The following CPQ variants were observed in gnomAD, a reference collection of about 807,000 sequenced individuals.
CPQ encodes the protein Ser-Met dipeptidase.
In CPQ, 37 loss-of-function variants were observed where a neutral mutation model predicts 45.7. The ratio of observed to expected loss-of-function variants is 0.81; its 90% CI spans 0.62 to 1.07. The LOEUF (loss-of-function observed/expected upper bound fraction) is 1.07, where lower values mean the gene tolerates loss of function less well. Among genes scored for constraint, CPQ ranks in the 50% least tolerant of loss-of-function variants. CPQ has a pLI of 0.00. For synonymous variants in CPQ, 186 were observed against 205.8 expected (o/e 0.90, Z 0.82); for missense variants, 537 against 572.9 (o/e 0.94, Z 0.64).
chr8:96,790,508 T>C (rs1810832419), intron 2 of CPQ, among the ~76,000 whole-genome samples: 1 of 152,220 alleles, frequency 6.6e-6, no homozygotes, highest in African/African-American at 2.4e-5. Context: ...AGAACAGAGG[T>C]TCTACCACAA....
At chr8:96,728,300 C>A (rs1463698858) in intron 1 of CPQ, among the ~76,000 whole-genome samples, 2 of 152,052 alleles carry the variant, frequency 1.3e-5, no homozygotes, top group Non-Finnish European at 2.9e-5. Flanking sequence ...AAAAGTATGA[C>A]AAGAGGCCAG....
At chr8:97,136,184 A>G (rs565833792) in intron 7 of CPQ, among the ~76,000 whole-genome samples, 44 of 152,312 alleles carry the variant, frequency 2.9e-4, no homozygotes, top group African/African-American at 9.9e-4. Flanking sequence ...GTTTACAAAA[A>G]AAAAAGATTC....
rs543449040 is a variant in CPQ, at chr8:97,040,907, T to G, written c.1053+11413T>G. On this transcript the variant is annotated intron_variant, in intron 6 of 7. Coordinates refer to ENST00000220763, the MANE Select transcript of CPQ (RefSeq NM_016134.4). ...TGTAGCCTTGTAGTATAGTTTGAAGTCAGGTAGTGTGATGCCTCCAGCTTT... is the reference window on the plus strand; with the variant it reads ...TGTAGCCTTGTAGTATAGTTTGAAGGCAGGTAGTGTGATGCCTCCAGCTTT... Among the ~76,000 whole-genome samples the G allele has an allele frequency of 2.0e-5, 3 of 152,310 alleles. No homozygotes were observed. In the South Asian group the frequency reaches 6.2e-4, roughly 32 times the overall value.
At chr8:96,731,272 C>T (rs908301192) in intron 1 of CPQ, among the ~76,000 whole-genome samples, 6 of 152,064 alleles carry the variant, frequency 3.9e-5, no homozygotes, top group African/African-American at 1.2e-4. Context: ...ATACCTATCT[C>T]ACAGGTTGTA....
chr8:97,040,186 G>T (rs1387855090), intron 6 of CPQ, among the ~76,000 whole-genome samples: 1 of 151,642 alleles, frequency 6.6e-6, no homozygotes, highest in Non-Finnish European at 1.5e-5. Flanking sequence ...TAACTGGTGT[G>T]AGATGGTATC....
chr8:96,781,273 A>C (rs908317192), intron 1 of CPQ, among the ~76,000 whole-genome samples: 11 of 152,220 alleles, frequency 7.2e-5, no homozygotes, highest in African/African-American at 2.4e-4. Context: ...GTTTATAACT[A>C]ACAGAAATTA....
chr8:97,097,387 T>C (rs1272221915), intron 7 of CPQ, among the ~76,000 whole-genome samples: 1 of 152,182 alleles, frequency 6.6e-6, no homozygotes, highest in African/African-American at 2.4e-5. Flanking sequence ...TTTTGATGCC[T>C]TACATATGGA....
At chr8:97,127,550 G>A (rs1039397827) in intron 7 of CPQ, among the ~76,000 whole-genome samples, 2 of 151,990 alleles carry the variant, frequency 1.3e-5, no homozygotes, top group Admixed American at 6.6e-5. Flanking sequence ...TTAGCCAGGC[G>A]TGGTGGCACG....
intron 4 of CPQ, among the ~76,000 whole-genome samples, chr8:96,889,611 C>T (rs549898698): frequency 6.6e-6 from 1 of 152,236 alleles, no homozygotes; most frequent in Non-Finnish European, 1.5e-5. Flanking sequence ...ACAAGGAAGC[C>T]AGCAGTGGAT....
chr8:97,121,985 G>C (rs1281274138), intron 7 of CPQ, among the ~76,000 whole-genome samples: 2 of 152,000 alleles, frequency 1.3e-5, no homozygotes, highest in East Asian at 1.9e-4. Context: ...AGATAAAAAG[G>C]CTCTTGTAAA....
intron 3 of CPQ, among the ~76,000 whole-genome samples, chr8:96,850,584 TTTTA>T (rs199730159): frequency 0.057 from 7,831 of 136,554 alleles, 228 homozygotes; most frequent in Non-Finnish European, 0.064. Flanking sequence ...TTTTATTTTA[TTTTA>T]TTTATTTATT....
chr8:96,911,405 G>A (rs1364123250), intron 4 of CPQ, among the ~76,000 whole-genome samples: 1 of 152,166 alleles, frequency 6.6e-6, no homozygotes, highest in Non-Finnish European at 1.5e-5. Context: ...ACAGTGGCAG[G>A]TGTGAAAAGA....
At position 96,785,297 on chromosome 8, in the gene CPQ, G is replaced by A. The variant is rs750892175; in HGVS notation, c.400G>A (p.Gly134Ser). The change falls in exon 2 of 8, where the codon GGT (glycine) becomes AGT (serine). Residue 134 changes from glycine (G) to serine (S), a missense_variant. Coordinates refer to ENST00000220763, the MANE Select transcript of CPQ (RefSeq NM_016134.4). The part of the protein sequence containing the change: ...EPRIHKIAIL[G>S]LGSSIGTPPE... Reference sequence around the variant, plus strand: ...AAGAATTCATAAGATAGCCATCCTGGGTCTTGGCAGCAGCATTGGGACTCC... The same window carrying A: ...AAGAATTCATAAGATAGCCATCCTGAGTCTTGGCAGCAGCATTGGGACTCC... 62 of 1,610,862 alleles carry A rather than the reference G, an allele frequency of 3.8e-5. No individual in the cohort carries two copies. The highest frequency in any genetic ancestry group is 5.2e-5 in the Non-Finnish European group (61 of 1,177,942).
chr8:97,042,601 C>T lies in CPQ; in HGVS notation c.1053+13107C>T, dbSNP rs1262045305. On this transcript the variant is annotated intron_variant, in intron 6 of 7. Coordinates refer to ENST00000220763, the MANE Select transcript of CPQ (RefSeq NM_016134.4). ...TTAGGGTGTCAATTTTGGATCTTTC[C>T]TGCTTTCTCTTGTGGGCATTTAGTG... Among the ~76,000 whole-genome samples, 9 of 151,330 alleles carry T rather than the reference C, an allele frequency of 5.9e-5. No individual in the cohort carries two copies. The East Asian group carries it at 1.7e-3, about 29-fold the overall frequency.
At chr8:96,864,704 ATAAATATCTTTAT>A (rs1213089739) in intron 3 of CPQ, among the ~76,000 whole-genome samples, 2 of 152,090 alleles carry the variant, frequency 1.3e-5, no homozygotes, top group Non-Finnish European at 1.5e-5. Flanking sequence ...TGAGTTTTAA[ATAAATATCTTTAT>A]TTCAGTAATA....
At chr8:96,690,131 TA>T (rs1426050845) in intron 1 of CPQ, among the ~76,000 whole-genome samples, 19 of 152,172 alleles carry the variant, frequency 1.2e-4, no homozygotes, top group African/African-American at 2.2e-4. Context: ...GGTATGTGCT[TA>T]TTTTTTTGTT....
At chr8:96,963,467 T>G (rs1474402665) in intron 4 of CPQ, among the ~76,000 whole-genome samples, 2 of 152,230 alleles carry the variant, frequency 1.3e-5, no homozygotes, top group Non-Finnish European at 2.9e-5. Flanking sequence ...GAAGTCATAC[T>G]AGACTGGGTC....
At chr8:96,720,892 TGGTCCTAA>T (rs1809753467) in intron 1 of CPQ, among the ~76,000 whole-genome samples, 1 of 152,094 alleles carries the variant, frequency 6.6e-6, no homozygotes, top group African/African-American at 2.4e-5. Flanking sequence ...TTCTATGGTG[TGGTCCTAA>T]GGTAAAGCCT....
At chr8:96,871,021 G>A (rs1400725496) in intron 3 of CPQ, among the ~76,000 whole-genome samples, 3 of 151,944 alleles carry the variant, frequency 2.0e-5, no homozygotes, top group African/African-American at 7.2e-5. Context: ...CGTTATTTAA[G>A]CAAATATACT....
Sources: gnomAD v4.1 joint callset for allele counts (sites outside exome capture counted in the v4.1 genomes callset) on GRCh38, gnomAD v4.1.1 for gene constraint, MANE v1.5 for transcripts, NCBI Gene and HGNC (gene_info 2026-07-23, HGNC 2026-07-21) for gene names.